Variants in GRPEL2 observed in about 807,000 individuals in gnomAD.
GRPEL2 encodes grpE protein homolog 2, mitochondrial.
In GRPEL2, 18 loss-of-function variants were observed where a neutral mutation model predicts 25.9. That is an observed-to-expected ratio of 0.70 (90% confidence interval 0.48 to 1.03). GRPEL2 has a LOEUF of 1.03. Ranked by LOEUF, GRPEL2 falls within the 50% of genes least tolerant of loss-of-function variation. The probability of loss-of-function intolerance (pLI) is 0.00; values close to 1 mark genes in which losing one functional copy is unlikely to be tolerated. For missense variants in GRPEL2, 247 were observed against 276.2 expected, an observed-to-expected ratio of 0.89 and a Z score of 0.75; for synonymous variants, 106 against 107.9, an observed-to-expected ratio of 0.98 and a Z score of 0.11.
In GRPEL2 at chr5:149,350,959, A is replaced by G; in HGVS notation, c.355A>G (p.Ile119Val). 2 of 1,614,082 alleles carry G rather than the reference A, an allele frequency of 1.2e-6. No individual in the cohort carries two copies. Among genetic ancestry groups the G allele is most frequent in the Non-Finnish European group, 1.7e-6 (2 of 1,179,906 alleles). The change falls in exon 4 of 4, where the codon ATT becomes GTT. Residue 119 changes from isoleucine (I) to valine (V), a missense_variant. Transcript: ENST00000329271. ...FCKDLVEVAD[I>V]LEKTTECISE... The stretch of plus-strand genomic sequence containing the variant: ...TAAGGACTTGGTGGAGGTGGCTGAC[A>G]TTTTGGAGAAGACTACAGAGTGCAT...
rs771703284 is a variant in GRPEL2, at chr5:149,348,254, AC to A, written c.78-16del. The A allele has an allele frequency of 7.6e-6, 12 of 1,576,144 alleles. No individual in the cohort carries two copies. In the African/African-American group the frequency reaches 1.6e-4, roughly 22 times the overall value. On this transcript the variant is annotated splice_polypyrimidine_tract_variant and intron_variant, in intron 1 of 3. Coordinates refer to ENST00000329271, the MANE Select transcript of GRPEL2 (RefSeq NM_152407.4). ...TGATGGCATTTCTTCATTATGTGCC[AC>A]CTCCTTCCTGTTTTAGGGGATGGCC...
rs1757807057 is a variant in GRPEL2 at position 149,353,468 on chromosome 5, T to A, written c.*2186T>A. The A allele has an allele frequency of 1.3e-5, 2 of 152,154 alleles. No individual in the cohort carries two copies. Among genetic ancestry groups the A allele is most frequent in the African/African-American group, 4.8e-5 (2 of 41,436 alleles). 9.4% of individuals were successfully genotyped at this position (152,154 alleles called of 1,614,324 possible). A position where few individuals can be genotyped will look rare whatever the true frequency, so the allele number is the denominator to read the frequency against. On this transcript the variant is annotated 3_prime_UTR_variant, in exon 4 of 4. Coordinates refer to ENST00000329271, the MANE Select transcript of GRPEL2 (RefSeq NM_152407.4). ...AATGTTATGATTACCTAAAGAGATG[T>A]CTCTACCTAATGAGCTCAAGTGATC...
In GRPEL2 at chr5:149,350,799, C is replaced by T; in HGVS notation, c.314-119C>T. ...ATGATCTCTGAGTCCTGTGTGGCAA[C>T]CTTTCCACTTGCTGGACTACTCAGC... is the stretch of plus-strand genomic sequence containing the variant. On this transcript the variant is annotated intron_variant, in intron 3 of 3. Coordinates refer to ENST00000329271, the MANE Select transcript of GRPEL2 (RefSeq NM_152407.4). 3.9e-6 allele frequency: 4 copies of T among 1,033,752 alleles called. 1 individual carries two copies. In the South Asian group the frequency reaches 6.2e-5, roughly 16 times the overall value. 64.0% of individuals were successfully genotyped at this position (1,033,752 alleles called of 1,614,324 possible). A position where few individuals can be genotyped will look rare whatever the true frequency, so the allele number is the denominator to read the frequency against.
At chr5:149,349,377 G>A (rs1169187658) in intron 2 of GRPEL2, among the ~76,000 whole-genome samples, 1 of 152,204 alleles carries the variant, frequency 6.6e-6, no homozygotes, top group Non-Finnish European at 1.5e-5. Context: ...GGCAGTGTTG[G>A]CTGAATGTGA....
chr5:149,347,189 T>A lies in GRPEL2; in HGVS notation c.78-1083T>A, dbSNP rs1315066940. On this transcript the variant is annotated intron_variant, in intron 1 of 3. Transcript: ENST00000329271. ...CACACACCGGATTATAATAATTGAA[T>A]TTAAGATCAGCTTGGAAAGTAGGAG... 2.6e-5 allele frequency among the ~76,000 whole-genome samples: 4 copies of A among 152,188 alleles called. No homozygotes were observed. In the East Asian group the frequency reaches 5.8e-4, roughly 22 times the overall value.
chr5:149,350,307 C>T (rs1757755913), intron 3 of GRPEL2, among the ~76,000 whole-genome samples: 1 of 152,186 alleles, frequency 6.6e-6, no homozygotes, highest in African/African-American at 2.4e-5. Context: ...TGTAACAGTT[C>T]GTATGACTCT....
In GRPEL2 at chr5:149,353,364, CTG is replaced by C. The variant is rs779229379; in HGVS notation, c.*2088_*2089del. 34 of 152,170 alleles carry C rather than the reference CTG, an allele frequency of 2.2e-4. No homozygotes were observed. Among genetic ancestry groups the C allele is most frequent in the Admixed American group, 1.0e-3 (16 of 15,284 alleles). The allele number at this position is 152,170 out of a possible 1,614,324, so 9.4% of individuals were successfully genotyped here. On this transcript the variant is annotated 3_prime_UTR_variant, in exon 4 of 4. Transcript: ENST00000329271. ...AAAATGAGCTGATTGTAATTACTCTCTGTGTGTTTTTTTATTGCTAGCTATCA... is the reference window on the plus strand; with the variant it reads ...AAAATGAGCTGATTGTAATTACTCTCTGTGTTTTTTTATTGCTAGCTATCA...
At position 149,352,058 on chromosome 5, in the gene GRPEL2, C is replaced by T. The variant is rs1311830661; in HGVS notation, c.*776C>T. ...CTGAGGCAACACTAACAGCTAATGA[C>T]CCAGATGGCTCTATTTGGGTAATTT... On this transcript the variant is annotated 3_prime_UTR_variant, in exon 4 of 4. Coordinates refer to ENST00000329271, the MANE Select transcript of GRPEL2 (RefSeq NM_152407.4). 1 of 152,182 alleles carries T rather than the reference C, an allele frequency of 6.6e-6. No individual in the cohort carries two copies. Among genetic ancestry groups the T allele is most frequent in the Admixed American group, 6.5e-5 (1 of 15,282 alleles). 9.4% of individuals were successfully genotyped at this position (152,182 alleles called of 1,614,324 possible).
chr5:149,345,889 G>C (rs1216272725), intron 1 of GRPEL2: 1 of 506,470 alleles, frequency 2.0e-6, no homozygotes, highest in Non-Finnish European at 3.5e-6. Context: ...CCCAAGGGAG[G>C]GATGTACCAC....
chr5:149,348,542 C>G (rs944232109), intron 2 of GRPEL2, 117 bp downstream of exon 2: 11 of 784,202 alleles, frequency 1.4e-5, no homozygotes, highest in Non-Finnish European at 2.2e-5. Flanking sequence ...TATCTGCTAC[C>G]CCTCATCCCT....
In GRPEL2 at chr5:149,353,615, T is replaced by G. The variant is rs1209932079; in HGVS notation, c.*2333T>G. 1 of 151,922 alleles carries G rather than the reference T, an allele frequency of 6.6e-6. No homozygotes were observed. The highest frequency in any genetic ancestry group is 2.4e-5 in the African/African-American group (1 of 41,352). The allele number at this position is 151,922 out of a possible 1,614,324, so 9.4% of individuals were successfully genotyped here. A position where few individuals can be genotyped will look rare whatever the true frequency, so the allele number is the denominator to read the frequency against. ...TTTTTTTTTTTTGGTTGGTTGGTTG[T>G]TTTTTACAGGCGGGGTCTCACTATA... On this transcript the variant is annotated 3_prime_UTR_variant, in exon 4 of 4. Transcript: ENST00000329271.
intron 1 of GRPEL2, among the ~76,000 whole-genome samples, chr5:149,347,445 G>T (rs1757707008): frequency 6.6e-6 from 1 of 152,186 alleles, no homozygotes; most frequent in African/African-American, 2.4e-5. Context: ...GAAGATCCAG[G>T]AGTTGCAGTG....
At position 149,350,996 on chromosome 5, in the gene GRPEL2, C is replaced by A. The variant is rs867201109; in HGVS notation, c.392C>A (p.Ser131Ter). 9.9e-6 allele frequency: 16 copies of A among 1,614,062 alleles called. No individual in the cohort carries two copies. The highest frequency in any genetic ancestry group is 1.3e-5 in the African/African-American group (1 of 74,934). Residue 131 changes from serine to a stop codon, truncating the protein, a stop_gained, in exon 4 of 4, where the codon TCG (serine) becomes TAG (stop). Coordinates refer to ENST00000329271, the MANE Select transcript of GRPEL2 (RefSeq NM_152407.4). LOFTEE classifies it high-confidence loss of function. ...ACTACAGAGTGCATTTCTGAAGAAT[C>A]GGAGCCTGAGGACCAAAAGCTCACT... ...EKTTECISEE[S>*]EPEDQKLTLE...
intron 2 of GRPEL2, among the ~76,000 whole-genome samples, chr5:149,348,982 A>G (rs1581358159): frequency 6.6e-6 from 1 of 152,122 alleles, no homozygotes; most frequent in East Asian, 1.9e-4. Flanking sequence ...ACTGCCTCCA[A>G]ATAGATGACA....
At chr5:149,345,877 C>A in intron 1 of GRPEL2, 1 of 532,032 alleles carries the variant, frequency 1.9e-6, no homozygotes, top group Non-Finnish European at 3.4e-6. Context: ...GTCTCTTAAG[C>A]CCCCAAGGGA....
intron 2 of GRPEL2, 66 bp downstream of exon 2, chr5:149,348,491 T>C: frequency 7.4e-7 from 1 of 1,344,776 alleles, no homozygotes; most frequent in Non-Finnish European, 1.0e-6. Context: ...TAAAGTTTTT[T>C]ATGTCAATTT....
chr5:149,350,671 G>C (rs1391429916), intron 3 of GRPEL2, among the ~76,000 whole-genome samples: 1 of 152,200 alleles, frequency 6.6e-6, no homozygotes, highest in Non-Finnish European at 1.5e-5. Flanking sequence ...GTCTTACCTA[G>C]TTCTTGGGTT....
chr5:149,345,505 T>G lies in GRPEL2; in HGVS notation c.-35T>G, dbSNP rs1194310361. 2 of 1,588,940 alleles carry G rather than the reference T, an allele frequency of 1.3e-6. No homozygotes were observed. The highest frequency in any genetic ancestry group is 1.7e-6 in the Non-Finnish European group (2 of 1,165,338). Reference sequence around the variant, plus strand: ...GGAGCATCTCTTCACTCGCAGCAAGTGCGCGTGCGCTGCCTCTCAGCCCAA... The same window carrying G: ...GGAGCATCTCTTCACTCGCAGCAAGGGCGCGTGCGCTGCCTCTCAGCCCAA... On this transcript the variant is annotated 5_prime_UTR_variant, in exon 1 of 4. Transcript: ENST00000329271.
intron 3 of GRPEL2, 177 bp downstream of exon 3, chr5:149,349,912 C>G: frequency 1.7e-6 from 1 of 586,006 alleles, no homozygotes; most frequent in East Asian, 3.0e-5. Flanking sequence ...GGCATGGTGG[C>G]AGGCGCCTGT....
Sources: gnomAD v4.1 joint callset for allele counts (sites outside exome capture counted in the v4.1 genomes callset) on GRCh38, gnomAD v4.1.1 for gene constraint, MANE v1.5 for transcripts, NCBI Gene and HGNC (gene_info 2026-07-23, HGNC 2026-07-21) for gene names.